SLC16A12: variants seen among roughly 807,000 people sequenced by gnomAD.
SLC16A12 encodes monocarboxylate transporter 12.
SLC16A12 carries 17 observed loss-of-function variants against 42.4 expected under a neutral mutation model. The ratio of observed to expected loss-of-function variants is 0.40; its 90% confidence interval spans 0.27 to 0.60. The LOEUF is 0.60. Ranked by LOEUF, SLC16A12 falls within the 20% of genes least tolerant of loss-of-function variation. The pLI, the probability that SLC16A12 is intolerant of heterozygous loss-of-function variation, is 0.42. For missense variants in SLC16A12, 544 were observed against 623.0 expected, an observed-to-expected ratio of 0.87 and a Z score of 1.35; for synonymous variants, 224 against 229.4, an observed-to-expected ratio of 0.98 and a Z score of 0.21.
At chr10:89,486,426 C>T (rs536767951) in intron 2 of SLC16A12, among the ~76,000 whole-genome samples, 38 of 150,872 alleles carry the variant, frequency 2.5e-4, no homozygotes, top group African/African-American at 8.0e-4. Context: ...ACCTTCTCTA[C>T]GAAATATAGA....
intron 6 of SLC16A12, 143 bp downstream of exon 6, chr10:89,438,461 T>TA: frequency 1.2e-6 from 1 of 801,030 alleles, no homozygotes; most frequent in Non-Finnish European, 1.9e-6. Context: ...GATCTAGAAG[T>TA]ACCAGCAAGG....
intron 1 of SLC16A12, chr10:89,556,006 C>G (rs1009210229): frequency 2.6e-5 from 4 of 151,814 alleles, no homozygotes; most frequent in Admixed American, 1.3e-4. Context: ...GATAAAACAG[C>G]CATCAGTTAA....
chr10:89,432,153 T>TA lies in SLC16A12; in HGVS notation c.*910dup, dbSNP rs1387181134. On this transcript the variant is annotated 3_prime_UTR_variant, in exon 8 of 8. Coordinates refer to ENST00000371790, the MANE Select transcript of SLC16A12 (RefSeq NM_213606.4). Reference sequence around the variant, plus strand: ...ACCTAACAGGAATGCGTCTGCAGTCTAAGTAAGAGCTTCTTCTCTGAAGGT... The same window carrying TA: ...ACCTAACAGGAATGCGTCTGCAGTCTAAAGTAAGAGCTTCTTCTCTGAAGGT... The TA allele has an allele frequency of 2.6e-5, 4 of 152,670 alleles. No homozygotes were observed. The highest frequency in any genetic ancestry group is 5.9e-5 in the Non-Finnish European group (4 of 68,036). 9.5% of individuals were successfully genotyped at this position (152,670 alleles called of 1,614,324 possible).
intron 2 of SLC16A12, among the ~76,000 whole-genome samples, chr10:89,528,847 T>G (rs1329983527): frequency 6.6e-6 from 1 of 152,234 alleles, no homozygotes; most frequent in African/African-American, 2.4e-5. Flanking sequence ...CCAGTTTTTT[T>G]CCTTCCTCAG....
intron 3 of SLC16A12, among the ~76,000 whole-genome samples, chr10:89,452,693 G>A (rs1180907599): frequency 6.6e-6 from 1 of 152,160 alleles, no homozygotes; most frequent in Admixed American, 6.5e-5. Flanking sequence ...CCCAGCAGAA[G>A]GTGGGATGAA....
chr10:89,459,608 AC>A (rs1164706930), intron 3 of SLC16A12, among the ~76,000 whole-genome samples: 2 of 150,972 alleles, frequency 1.3e-5, no homozygotes, highest in African/African-American at 5.0e-5. Context: ...AAACAAACAA[AC>A]AAACTAGAAT....
intron 7 of SLC16A12, among the ~76,000 whole-genome samples, chr10:89,435,478 T>G (rs1173201530): frequency 1.3e-5 from 2 of 152,220 alleles, no homozygotes; most frequent in Non-Finnish European, 2.9e-5. Flanking sequence ...ATCAGCTGCC[T>G]CCTAAACTAT....
upstream of SLC16A12, among the ~76,000 whole-genome samples, chr10:89,539,094 G>T (rs1273386772): frequency 6.6e-6 from 1 of 152,076 alleles, no homozygotes; most frequent in Non-Finnish European, 1.5e-5. Flanking sequence ...TCATAGTGGA[G>T]CCCCATCTCT....
At chr10:89,449,818 G>A (rs563151245) in intron 3 of SLC16A12, among the ~76,000 whole-genome samples, 99 of 152,294 alleles carry the variant, frequency 6.5e-4, no homozygotes, top group Non-Finnish European at 1.2e-3. Flanking sequence ...AGAGTGAACA[G>A]GCAACCTGCA....
At chr10:89,486,519 G>C (rs1421453672) in intron 2 of SLC16A12, among the ~76,000 whole-genome samples, 2 of 147,472 alleles carry the variant, frequency 1.4e-5, no homozygotes, top group African/African-American at 5.0e-5. Context: ...TTGAATCCAG[G>C]AATTCAAAAT....
At chr10:89,536,887 G>A (rs750104939), upstream of SLC16A12, among the ~76,000 whole-genome samples, 2 of 152,138 alleles carry the variant, frequency 1.3e-5, no homozygotes, top group Non-Finnish European at 2.9e-5. Flanking sequence ...GCCCAGGCTG[G>A]AGTGCAGTGG....
At chr10:89,525,189 C>T (rs1843428357) in intron 2 of SLC16A12, among the ~76,000 whole-genome samples, 1 of 146,288 alleles carries the variant, frequency 6.8e-6, no homozygotes, top group Admixed American at 7.0e-5. Flanking sequence ...CCACTGCACT[C>T]CAGCCTGGAC....
chr10:89,472,810 A>T (rs548397465), intron 2 of SLC16A12, among the ~76,000 whole-genome samples: 1 of 148,538 alleles, frequency 6.7e-6, no homozygotes, highest in Non-Finnish European at 1.5e-5. Flanking sequence ...TTTCTTTTAA[A>T]TTTTTTTCTT....
chr10:89,477,339 C>T (rs548891320), intron 2 of SLC16A12, among the ~76,000 whole-genome samples: 6 of 152,088 alleles, frequency 3.9e-5, no homozygotes, highest in African/African-American at 1.2e-4. Context: ...CCGAGGTGGG[C>T]GGATCACTTG....
chr10:89,481,660 TGTGTGAGA>T (rs768030370), intron 2 of SLC16A12, among the ~76,000 whole-genome samples: 6 of 141,166 alleles, frequency 4.3e-5, no homozygotes, highest in Admixed American at 1.4e-4. Context: ...TGTGTGTGTG[TGTGTGAGA>T]GAGAGAGAGA....
intron 2 of SLC16A12, among the ~76,000 whole-genome samples, chr10:89,501,177 A>T (rs1244054895): frequency 1.3e-5 from 2 of 152,236 alleles, no homozygotes; most frequent in Admixed American, 1.3e-4. Context: ...ATGGAAACAC[A>T]TCCCATGCTC....
chr10:89,492,747 T>C (rs879370946), intron 2 of SLC16A12, among the ~76,000 whole-genome samples: 1 of 151,982 alleles, frequency 6.6e-6, no homozygotes. Flanking sequence ...TATTCACAAA[T>C]ATTACTCTTT....
chr10:89,449,176 T>C (rs776997082), intron 3 of SLC16A12, among the ~76,000 whole-genome samples: 1 of 152,150 alleles, frequency 6.6e-6, no homozygotes, highest in East Asian at 1.9e-4. Flanking sequence ...AAAATGGCCA[T>C]ACTGCCTGAA....
At chr10:89,502,786 T>C (rs1843007279) in intron 2 of SLC16A12, among the ~76,000 whole-genome samples, 1 of 152,188 alleles carries the variant, frequency 6.6e-6, no homozygotes, top group Non-Finnish European at 1.5e-5. Context: ...GAAGCCAACA[T>C]GATTCATAAA....
Sources: gnomAD v4.1 joint callset for allele counts (sites outside exome capture counted in the v4.1 genomes callset) on GRCh38, gnomAD v4.1.1 for gene constraint, MANE v1.5 for transcripts, NCBI Gene and HGNC (gene_info 2026-07-23, HGNC 2026-07-21) for gene names.